The following SPAG9 variants were observed in gnomAD, a reference collection of about 807,000 sequenced individuals.
SPAG9 encodes the protein sperm associated antigen 9.
A neutral mutation model predicts 166.5 loss-of-function variants in SPAG9; 35 were observed. That is an observed-to-expected ratio of 0.21 (90% confidence interval 0.16 to 0.28). SPAG9 has a LOEUF of 0.28. Ranked by LOEUF, SPAG9 falls within the 10% of genes least tolerant of loss-of-function variation. The probability of loss-of-function intolerance (pLI) is 1.00; values close to 1 mark genes in which losing one functional copy is unlikely to be tolerated. For missense variants in SPAG9, 1,235 were observed against 1,603.3 expected (o/e 0.77, Z 3.92); for synonymous variants, 534 against 565.5 (o/e 0.94, Z 0.79).
intron 5 of SPAG9, 114 bp from the exon 6 acceptor site, chr17:51,031,836 A>C: frequency 2.5e-6 from 2 of 797,260 alleles, no homozygotes. Flanking sequence ...TCTATTATCT[A>C]CTGTGTTTAA....
At chr17:51,110,334 A>C (rs992539906) in intron 1 of SPAG9, among the ~76,000 whole-genome samples, 11 of 151,924 alleles carry the variant, frequency 7.2e-5, no homozygotes, top group Non-Finnish European at 1.3e-4. Context: ...AGTTTACCTA[A>C]TAAAAAGCTG....
intron 20 of SPAG9, 53 bp downstream of exon 20, chr17:50,990,397 C>G: frequency 7.7e-7 from 1 of 1,302,904 alleles, no homozygotes; most frequent in Non-Finnish European, 1.1e-6. Context: ...AATGAGGCAT[C>G]TGAGTGTAGC....
chr17:51,080,118 T>C (rs1251223466), intron 1 of SPAG9, among the ~76,000 whole-genome samples: 1 of 152,188 alleles, frequency 6.6e-6, no homozygotes, highest in Non-Finnish European at 1.5e-5. Flanking sequence ...ACCTGAACCA[T>C]GGAGTTTAAA....
In SPAG9 at chr17:51,014,365, G is replaced by A. The variant is rs1597994560; in HGVS notation, c.1092-12C>T. On this transcript the variant is annotated splice_polypyrimidine_tract_variant and intron_variant, in intron 8 of 29. Coordinates refer to ENST00000262013, the MANE Select transcript of SPAG9 (RefSeq NM_001130528.3). ...CTTTGGTGGGAGTGCTATGCAACAA[G>A]AACAACAAAACCAAATCAACAAATG... 6.3e-7 allele frequency: 1 copy of A among 1,599,928 alleles called. No individual in the cohort carries two copies. The highest frequency in any genetic ancestry group is 8.5e-7 in the Non-Finnish European group (1 of 1,172,470).
At chr17:51,102,326 C>T (rs1026681153) in intron 1 of SPAG9, among the ~76,000 whole-genome samples, 2 of 151,306 alleles carry the variant, frequency 1.3e-5, no homozygotes, top group African/African-American at 4.9e-5. Context: ...ATCGCTTGAA[C>T]CTAAAGGCCA....
intron 21 of SPAG9, 70 bp downstream of exon 21, chr17:50,989,607 T>G: frequency 1.3e-3 from 1,524 of 1,151,772 alleles, no homozygotes; most frequent in Non-Finnish European, 1.8e-3. Flanking sequence ...TTTGACTGTT[T>G]GAGATTATTT....
At chr17:51,109,087 C>T (rs2049031883) in intron 1 of SPAG9, among the ~76,000 whole-genome samples, 2 of 151,820 alleles carry the variant, frequency 1.3e-5, no homozygotes, top group African/African-American at 4.8e-5. Context: ...GTCTCGAACT[C>T]CTGACCTCAG....
At chr17:51,099,759 T>TA (rs58721041) in intron 1 of SPAG9, among the ~76,000 whole-genome samples, 1,904 of 43,560 alleles carry the variant, frequency 0.044, 203 homozygotes, top group African/African-American at 0.086. Context: ...CTTCTATTAC[T>TA]AAAAAAAAAA....
chr17:51,113,071 C>T (rs1394647654), intron 1 of SPAG9, among the ~76,000 whole-genome samples: 1 of 151,778 alleles, frequency 6.6e-6, no homozygotes. Context: ...ATGTTGGCCG[C>T]TGCCGGGCGT....
chr17:51,106,825 CG>C (rs1335385542), intron 1 of SPAG9, among the ~76,000 whole-genome samples: 1 of 151,372 alleles, frequency 6.6e-6, no homozygotes, highest in East Asian at 1.9e-4. Flanking sequence ...TAAAAAAGTC[CG>C]GGTGCAGTGG....
chr17:51,098,767 T>C (rs1175708156), intron 1 of SPAG9, among the ~76,000 whole-genome samples: 2 of 151,448 alleles, frequency 1.3e-5, no homozygotes, highest in South Asian at 2.1e-4. Flanking sequence ...GCTGGGACTA[T>C]AGGCATGAGC....
intron 1 of SPAG9, among the ~76,000 whole-genome samples, chr17:51,087,762 T>C (rs116051984): frequency 2.5e-3 from 377 of 152,184 alleles, no homozygotes; most frequent in African/African-American, 8.8e-3. Context: ...AGAGATGAGG[T>C]GTTGTTCTGT....
At chr17:51,032,785 C>T (rs1170759095) in intron 5 of SPAG9, among the ~76,000 whole-genome samples, 1 of 151,886 alleles carries the variant, frequency 6.6e-6, no homozygotes, top group Non-Finnish European at 1.5e-5. Flanking sequence ...AAATACAAAA[C>T]TAGCTGGGCG....
At chr17:51,082,449 T>C (rs1299413379) in intron 1 of SPAG9, among the ~76,000 whole-genome samples, 8 of 151,624 alleles carry the variant, frequency 5.3e-5, no homozygotes, top group Non-Finnish European at 7.4e-5. Flanking sequence ...TTATTTTCTT[T>C]AGAGTACTTA....
At chr17:51,110,670 G>C (rs2049082946) in intron 1 of SPAG9, among the ~76,000 whole-genome samples, 1 of 151,880 alleles carries the variant, frequency 6.6e-6, no homozygotes, top group Non-Finnish European at 1.5e-5. Context: ...ACCTGGGCCA[G>C]ACCTTGTCTC....
chr17:51,017,768 A>C (rs1011977829), intron 8 of SPAG9, among the ~76,000 whole-genome samples: 2 of 152,208 alleles, frequency 1.3e-5, no homozygotes, highest in Non-Finnish European at 2.9e-5. Context: ...GATTTATCAT[A>C]TATTGATTCA....
At chr17:51,047,716 A>C (rs1299203932) in intron 3 of SPAG9, among the ~76,000 whole-genome samples, 11 of 151,872 alleles carry the variant, frequency 7.2e-5, no homozygotes, top group East Asian at 3.9e-4. Context: ...AAAAAAAAAA[A>C]AACCCACTTT....
chr17:51,095,279 G>C (rs886579795), intron 1 of SPAG9, among the ~76,000 whole-genome samples: 4 of 134,114 alleles, frequency 3.0e-5, no homozygotes, highest in Admixed American at 8.0e-5. Flanking sequence ...CTGGGGGACA[G>C]AGTGAGACTC....
chr17:51,032,034 C>A, intron 5 of SPAG9: 1 of 475,568 alleles, frequency 2.1e-6, no homozygotes, highest in Non-Finnish European at 4.0e-6. Context: ...TTATTCCAGT[C>A]CCTTTGACTA....
Sources: gnomAD v4.1 joint callset for allele counts (sites outside exome capture counted in the v4.1 genomes callset) on GRCh38, gnomAD v4.1.1 for gene constraint, MANE v1.5 for transcripts, NCBI Gene and HGNC (gene_info 2026-07-23, HGNC 2026-07-21) for gene names.